Variants in DOT1L observed in about 807,000 individuals in gnomAD.
DOT1L encodes histone-lysine N-methyltransferase, H3 lysine-79 specific.
DOT1L carries 33 observed loss-of-function variants against 153.3 expected under a neutral mutation model. The observed-to-expected ratio is 0.22, with a 90% CI of 0.16 to 0.29. The LOEUF is 0.29. Among genes scored for constraint, DOT1L ranks in the 10% least tolerant of loss-of-function variants. DOT1L has a pLI of 1.00. For missense variants in DOT1L, 1,847 were observed against 2,119.9 expected, an observed-to-expected ratio of 0.87 and a Z score of 2.53; for synonymous variants, 1,135 against 965.1, an observed-to-expected ratio of 1.18 and a Z score of -3.26.
At chr19:2,227,250 C>A in intron 27 of DOT1L, 123 bp downstream of exon 27, 1 of 1,284,040 alleles carries the variant, frequency 7.8e-7, no homozygotes, top group Non-Finnish European at 1.1e-6. Flanking sequence ...TGGTGCCGGC[C>A]GGCCCCCGCC....
intron 22 of DOT1L, among the ~76,000 whole-genome samples, chr19:2,218,457 G>C (rs572534288): frequency 2.0e-5 from 3 of 152,056 alleles, no homozygotes; most frequent in Non-Finnish European, 4.4e-5. Context: ...GCAGTGGTGC[G>C]ATCTCGGCTC....
In DOT1L at chr19:2,210,763, C is replaced by T. The variant is rs748856790; in HGVS notation, c.1259C>T (p.Ala420Val). 16 of 1,612,980 alleles carry T rather than the reference C, an allele frequency of 9.9e-6. No homozygotes were observed. The highest frequency in any genetic ancestry group is 2.7e-5 in the African/African-American group (2 of 74,936). ...GGGCGCCCCAAGAAGATGAACACTG[C>T]GAACCCCGAGCGGAAGCCCAAGAAG... ...KRGRPKKMNT[A>V]NPERKPKKNQ... is the part of the protein sequence containing the mutation. The change falls in exon 14 of 28, where the codon GCG becomes GTG. Residue 420 changes from alanine to valine, a missense_variant. This residue lies in a region of DOT1L where 205 missense variants were observed against 203.1 expected (regional missense o/e 1.01). Coordinates refer to ENST00000398665, the MANE Select transcript of DOT1L (RefSeq NM_032482.3).
At position 2,213,788 on chromosome 19, in the gene DOT1L, TG is replaced by T. The variant is rs1261617850; in HGVS notation, c.1660-56del. On this transcript the variant is annotated intron_variant, in intron 17 of 27. Transcript: ENST00000398665. ...GCTGGGCTGCAGGGGTGGTCATGCC[TG>T]GGGGCTTACTTCACCTTGGAGGCCA... is the stretch of plus-strand genomic sequence containing the variant. 3 of 1,608,812 alleles carry T rather than the reference TG, an allele frequency of 1.9e-6. No homozygotes were observed. The African/African-American group carries it at 4.0e-5, about 21-fold the overall frequency.
At chr19:2,218,156 C>T (rs1027524602) in intron 22 of DOT1L, among the ~76,000 whole-genome samples, 1 of 152,186 alleles carries the variant, frequency 6.6e-6, no homozygotes, top group Non-Finnish European at 1.5e-5. Flanking sequence ...CTCACACCTT[C>T]TGGGTTGAGG....
rs1364761789 is a variant in DOT1L, at chr19:2,202,792, C to T, written c.787+13C>T. The stretch of plus-strand genomic sequence containing the variant: ...AACATGAAGGAAGGTAAGGCGCCCT[C>T]CTCGCCGGTCTGTGCTGGTGTGACA... On this transcript the variant is annotated intron_variant, in intron 9 of 27. Transcript: ENST00000398665. The T allele has an allele frequency of 1.9e-6, 3 of 1,614,022 alleles. No homozygotes were observed. Among genetic ancestry groups the T allele is most frequent in the African/African-American group, 2.7e-5 (2 of 74,932 alleles).
intron 1 of DOT1L, among the ~76,000 whole-genome samples, chr19:2,179,921 C>T (rs546091803): frequency 7.2e-5 from 11 of 152,190 alleles, no homozygotes; most frequent in Admixed American, 4.6e-4. Flanking sequence ...AGCACGCAGA[C>T]GCGACGAAAG....
Position 2,190,738 on chromosome 19 carries a change from G to T in DOT1L, c.265-274G>T, listed in dbSNP as rs1193267401. Among the ~76,000 whole-genome samples, 1 of 152,048 alleles carries T rather than the reference G, an allele frequency of 6.6e-6. No homozygotes were observed. The highest frequency in any genetic ancestry group is 6.5e-5 in the Admixed American group (1 of 15,270). The stretch of plus-strand genomic sequence containing the variant: ...TCTTGGTGGCCTGTGTGGTTTTGGT[G>T]GTCTTGCCAGTGGGGAGAGAGGCCC... On this transcript the variant is annotated intron_variant, in intron 4 of 27. Coordinates refer to ENST00000398665, the MANE Select transcript of DOT1L (RefSeq NM_032482.3). This position sits in a 1 kb window ranked among gnomAD's most constrained non-coding sequence, Gnocchi z 4.8.
At position 2,229,880 on chromosome 19, in the gene DOT1L, C is replaced by G; in HGVS notation, c.*88C>G. ...TGGTGCCCGCCGGCCTGCCGGGCTC[C>G]CACCCCTGGACGGCAGAGGCAAGGA... On this transcript the variant is annotated 3_prime_UTR_variant, in exon 28 of 28. Coordinates refer to ENST00000398665, the MANE Select transcript of DOT1L (RefSeq NM_032482.3). 6.2e-7 allele frequency: 1 copy of G among 1,609,268 alleles called. No individual in the cohort carries two copies. Among genetic ancestry groups the G allele is most frequent in the Non-Finnish European group, 8.5e-7 (1 of 1,178,886 alleles).
chr19:2,230,645 A>G lies in DOT1L; in HGVS notation c.*853A>G, dbSNP rs1462330874. ...GGAGAGAGTCACACTAATGAGTGGC[A>G]GTATTTTATAGAGATGTGATGAGAA... is the stretch of plus-strand genomic sequence containing the variant. On this transcript the variant is annotated 3_prime_UTR_variant, in exon 28 of 28. Coordinates refer to ENST00000398665, the MANE Select transcript of DOT1L (RefSeq NM_032482.3). 19 of 398,590 alleles carry G rather than the reference A, an allele frequency of 4.8e-5. No homozygotes were observed. Among genetic ancestry groups the G allele is most frequent in the South Asian group, 1.3e-4 (1 of 7,814 alleles). 24.7% of individuals were successfully genotyped at this position (398,590 alleles called of 1,614,324 possible). A position where few individuals can be genotyped will look rare whatever the true frequency, so the allele number is the denominator to read the frequency against.
rs1381287444 is a variant in DOT1L at position 2,190,342 on chromosome 19, A to G, written c.264+547A>G. Among the ~76,000 whole-genome samples the G allele has an allele frequency of 2.0e-5, 3 of 152,046 alleles. No individual in the cohort carries two copies. Among genetic ancestry groups the G allele is most frequent in the Admixed American group, 6.5e-5 (1 of 15,272 alleles). On this transcript the variant is annotated intron_variant, in intron 4 of 27. Transcript: ENST00000398665. This position sits in a 1 kb window ranked among gnomAD's most constrained non-coding sequence, Gnocchi z 4.8. ...AGAAAGCACCGGGGGCCCCTGGTGC[A>G]TGGGGGTAGGGGAGCTCTTTCTTGA...
At chr19:2,185,973 C>A in intron 3 of DOT1L, 44 bp downstream of exon 3, 2 of 1,589,076 alleles carry the variant, frequency 1.3e-6, no homozygotes, top group South Asian at 1.1e-5. Flanking sequence ...AGGACAGACT[C>A]GGCTCTTGGG....
Position 2,217,675 on chromosome 19 carries a change from T to G in DOT1L, c.2545-97T>G. On this transcript the variant is annotated intron_variant, in intron 21 of 27. Transcript: ENST00000398665. The surrounding 1 kb of genome is among the most constrained non-coding windows in gnomAD (Gnocchi z 7.3). ...GGCCTTGGCAGCGTGGGGGCCGCCTTGAGAGAGCTGTAGCAGGCCCCCGTC... is the reference window on the plus strand; with the variant it reads ...GGCCTTGGCAGCGTGGGGGCCGCCTGGAGAGAGCTGTAGCAGGCCCCCGTC... 625 of 1,490,372 alleles carry G rather than the reference T, an allele frequency of 4.2e-4. No homozygotes were observed. Among genetic ancestry groups the G allele is most frequent in the Non-Finnish European group, 5.1e-4 (564 of 1,110,056 alleles). 92.3% of individuals were successfully genotyped at this position (1,490,372 alleles called of 1,614,324 possible). A position where few individuals can be genotyped will look rare whatever the true frequency, so the allele number is the denominator to read the frequency against.
At chr19:2,176,713 C>G (rs1038648275) in intron 1 of DOT1L, among the ~76,000 whole-genome samples, 1 of 152,262 alleles carries the variant, frequency 6.6e-6, no homozygotes, top group African/African-American at 2.4e-5. Flanking sequence ...GCTGCAAACA[C>G]TGCCAGCCAG....
rs1383882834 is a variant in DOT1L at position 2,231,581 on chromosome 19, C to T, written c.*1789C>T. The T allele has an allele frequency of 9.7e-6, 2 of 205,162 alleles. No homozygotes were observed. Among genetic ancestry groups the T allele is most frequent in the Non-Finnish European group, 1.0e-5 (1 of 100,432 alleles). 12.7% of individuals were successfully genotyped at this position (205,162 alleles called of 1,614,324 possible). Reference sequence around the variant, plus strand: ...CCGGACCTGTCCTCTTAAGTGGTGCCCAGTGCCCTCCCCACCCCACGTTGG... The same window carrying T: ...CCGGACCTGTCCTCTTAAGTGGTGCTCAGTGCCCTCCCCACCCCACGTTGG... On this transcript the variant is annotated 3_prime_UTR_variant, in exon 28 of 28. Transcript: ENST00000398665.
At chr19:2,175,849 C>G (rs908933694) in intron 1 of DOT1L, among the ~76,000 whole-genome samples, 2 of 152,076 alleles carry the variant, frequency 1.3e-5, no homozygotes, top group African/African-American at 4.8e-5. Context: ...ACTCCAGCCT[C>G]GGCAACGAGC....
intron 16 of DOT1L, chr19:2,212,744 TTGCTGACCTAAGC>T (rs927957127): frequency 1.3e-5 from 2 of 152,370 alleles, no homozygotes. Flanking sequence ...CTTCTGTAGT[TTGCTGACCTAAGC>T]CAATTCAAGG....
chr19:2,220,428 C>T lies in DOT1L; in HGVS notation c.2806+206C>T, dbSNP rs1406526356. The T allele has an allele frequency of 1.3e-5, 9 of 676,528 alleles. No individual in the cohort carries two copies. The Admixed American group carries it at 1.8e-4, about 14-fold the overall frequency. The allele number at this position is 676,528 out of a possible 1,614,324, so 41.9% of individuals were successfully genotyped here. ...TCGGGCTCAGCTGCAGCCATCTCGG[C>T]CTCATACCTGGGTCTCCCGACACTG... On this transcript the variant is annotated intron_variant, in intron 23 of 27. Coordinates refer to ENST00000398665, the MANE Select transcript of DOT1L (RefSeq NM_032482.3). The surrounding 1 kb of genome is among the most constrained non-coding windows in gnomAD (Gnocchi z 4.5).
intron 9 of DOT1L, among the ~76,000 whole-genome samples, chr19:2,203,331 G>T (rs1259101241): frequency 6.6e-6 from 1 of 152,182 alleles, no homozygotes; most frequent in African/African-American, 2.4e-5. Context: ...AACTCCCGAT[G>T]TCAGGGTGAT....
chr19:2,185,747 C>G lies in DOT1L; in HGVS notation c.126-108C>G. Reference sequence around the variant, plus strand: ...TCACGACACTGCACTCCAGCCTGGGCAACAGAGTGAGACTCCGTCTCAAAA... The same window carrying G: ...TCACGACACTGCACTCCAGCCTGGGGAACAGAGTGAGACTCCGTCTCAAAA... On this transcript the variant is annotated intron_variant, in intron 2 of 27. Coordinates refer to ENST00000398665, the MANE Select transcript of DOT1L (RefSeq NM_032482.3). 3 of 1,207,972 alleles carry G rather than the reference C, an allele frequency of 2.5e-6. No individual in the cohort carries two copies. In the Admixed American group the frequency reaches 5.3e-5, roughly 21 times the overall value. The allele number at this position is 1,207,972 out of a possible 1,614,324, so 74.8% of individuals were successfully genotyped here. A position where few individuals can be genotyped will look rare whatever the true frequency, so the allele number is the denominator to read the frequency against.
Sources: gnomAD v4.1 joint callset for allele counts (sites outside exome capture counted in the v4.1 genomes callset) on GRCh38, gnomAD v4.1.1 for gene constraint, gnomAD v4.1.1 regional missense constraint, Gnocchi (gnomAD v3.1) non-coding constraint, MANE v1.5 for transcripts, NCBI Gene and HGNC (gene_info 2026-07-23, HGNC 2026-07-21) for gene names.